Variants in MPHOSPH6 observed in about 807,000 individuals in gnomAD.
The protein encoded by MPHOSPH6 is M-phase phosphoprotein 6.
MPHOSPH6 carries 25 observed loss-of-function variants against 21.8 expected under a neutral mutation model. That is an observed-to-expected ratio of 1.15 (90% CI 0.83 to 1.60). The LOEUF (loss-of-function observed/expected upper bound fraction) is 1.60. MPHOSPH6 is among the 40% of genes most tolerant of loss of function. The probability of loss-of-function intolerance (pLI) is 0.00; values close to 1 mark genes in which losing one functional copy is unlikely to be tolerated. For synonymous variants in MPHOSPH6, 84 were observed against 56.5 expected (o/e 1.49, Z -2.18); for missense variants, 269 against 181.8 (o/e 1.48, Z -2.76).
chr16:82,169,371 G>A (rs1906895075), intron 1 of MPHOSPH6, among the ~76,000 whole-genome samples: 2 of 152,072 alleles, frequency 1.3e-5, no homozygotes, highest in African/African-American at 4.8e-5. Flanking sequence ...AGGACGCTGT[G>A]CCTTCCACCC....
chr16:82,164,246 A>G (rs767524701), intron 1 of MPHOSPH6, 52 bp from the exon 2 acceptor site: 2 of 1,159,426 alleles, frequency 1.7e-6, no homozygotes, highest in East Asian at 4.7e-5. Context: ...TTTAGAACTG[A>G]GGAAACCCCA....
intron 2 of MPHOSPH6, among the ~76,000 whole-genome samples, chr16:82,160,899 A>C (rs1312260923): frequency 6.6e-6 from 1 of 152,100 alleles, no homozygotes; most frequent in African/African-American, 2.4e-5. Flanking sequence ...CTGTCCCCTG[A>C]AGCAGGTCAT....
chr16:82,148,964 G>T, intron 4 of MPHOSPH6, 101 bp from the exon 5 acceptor site: 1 of 1,385,588 alleles, frequency 7.2e-7, no homozygotes, highest in Non-Finnish European at 9.8e-7. Context: ...AAAAGATTAC[G>T]AAAAAGAAAA....
chr16:82,150,521 T>A (rs535561221), intron 3 of MPHOSPH6, among the ~76,000 whole-genome samples: 2 of 152,324 alleles, frequency 1.3e-5, no homozygotes, highest in African/African-American at 4.8e-5. Context: ...ACTCTGGCAA[T>A]TGGCTTAGTT....
chr16:82,149,441 AC>A, intron 3 of MPHOSPH6, 38 bp from the exon 4 acceptor site: 1 of 1,583,724 alleles, frequency 6.3e-7, no homozygotes. Context: ...AGGCTAGAAA[AC>A]GCTTGTGAAA....
intron 2 of MPHOSPH6, among the ~76,000 whole-genome samples, chr16:82,159,038 T>C (rs1375112585): frequency 2.6e-5 from 4 of 152,252 alleles, no homozygotes; most frequent in Admixed American, 6.5e-5. Context: ...AAGAAACTAC[T>C]ACTGACTGAG....
rs372581312 is a variant in MPHOSPH6, at chr16:82,153,437, T to C, written c.165-1923A>G. Among the ~76,000 whole-genome samples, 49 of 152,332 alleles carry C rather than the reference T, an allele frequency of 3.2e-4. No homozygotes were observed. In the South Asian group the frequency reaches 1.0e-2, roughly 31 times the overall value. Reference sequence around the variant, plus strand: ...CCCCATGAATGCGGAGCTTTCTGCCTGGAGGCAATTTCCAGATTGTGGAGC... The same window carrying C: ...CCCCATGAATGCGGAGCTTTCTGCCCGGAGGCAATTTCCAGATTGTGGAGC... On this transcript the variant is annotated intron_variant, in intron 2 of 4. Transcript: ENST00000258169.
intron 2 of MPHOSPH6, among the ~76,000 whole-genome samples, chr16:82,160,178 T>C (rs11647691): frequency 0.12 from 17,935 of 152,232 alleles, 1,307 homozygotes; most frequent in East Asian, 0.29. Flanking sequence ...TGCATGGTTT[T>C]AAGAATTAGA....
chr16:82,150,013 CT>C (rs68120502), intron 3 of MPHOSPH6, among the ~76,000 whole-genome samples: 2,029 of 146,956 alleles, frequency 0.014, 50 homozygotes, highest in African/African-American at 0.047. Flanking sequence ...ATCCTCTGAC[CT>C]TTTTTTTTTT....
intron 2 of MPHOSPH6, among the ~76,000 whole-genome samples, chr16:82,160,850 G>A (rs1460304968): frequency 6.6e-6 from 1 of 152,132 alleles, no homozygotes; most frequent in African/African-American, 2.4e-5. Context: ...TTTTACACTG[G>A]AGGAATCTGA....
chr16:82,158,564 G>C (rs1204684371), intron 2 of MPHOSPH6, among the ~76,000 whole-genome samples: 4 of 150,202 alleles, frequency 2.7e-5, no homozygotes, highest in African/African-American at 4.9e-5. Flanking sequence ...GCACTTGTGT[G>C]ACTGAACCGA....
chr16:82,168,774 T>C (rs890189353), intron 1 of MPHOSPH6, among the ~76,000 whole-genome samples: 18 of 152,208 alleles, frequency 1.2e-4, no homozygotes, highest in Non-Finnish European at 2.6e-4. Context: ...GAATGGCCTA[T>C]CTTTCAAAAC....
At chr16:82,164,758 G>A (rs1906712317) in intron 1 of MPHOSPH6, 1 of 152,298 alleles carries the variant, frequency 6.6e-6, no homozygotes, top group Non-Finnish European at 1.5e-5. Context: ...CACAGTAAGA[G>A]CCCGATAAAT....
intron 1 of MPHOSPH6, chr16:82,164,873 T>G (rs1906715770): frequency 6.6e-6 from 1 of 152,148 alleles, no homozygotes; most frequent in Non-Finnish European, 1.5e-5. Context: ...TGCAGAAAGT[T>G]GACTCAAAAT....
At chr16:82,165,232 G>A (rs1237059463) in intron 1 of MPHOSPH6, among the ~76,000 whole-genome samples, 2 of 147,318 alleles carry the variant, frequency 1.4e-5, no homozygotes, top group African/African-American at 5.0e-5. Flanking sequence ...GGTTCAAGAG[G>A]TTCTCCTGCC....
At chr16:82,157,766 A>G (rs934618230) in intron 2 of MPHOSPH6, among the ~76,000 whole-genome samples, 1 of 152,196 alleles carries the variant, frequency 6.6e-6, no homozygotes, top group African/African-American at 2.4e-5. Flanking sequence ...GCAGTGAGGA[A>G]GCAAGATATG....
At chr16:82,168,980 G>C (rs1003792160) in intron 1 of MPHOSPH6, among the ~76,000 whole-genome samples, 3 of 152,088 alleles carry the variant, frequency 2.0e-5, no homozygotes, top group Non-Finnish European at 4.4e-5. Context: ...TGTAACTTTG[G>C]GTAAATTACT....
intron 3 of MPHOSPH6, among the ~76,000 whole-genome samples, chr16:82,150,813 T>A (rs1906240435): frequency 6.6e-6 from 1 of 152,370 alleles, no homozygotes; most frequent in Non-Finnish European, 1.5e-5. Flanking sequence ...TAAAGATTTA[T>A]ATCTCATGTG....
chr16:82,159,834 G>A (rs1161838127), intron 2 of MPHOSPH6, among the ~76,000 whole-genome samples: 6 of 152,228 alleles, frequency 3.9e-5, no homozygotes, highest in South Asian at 2.1e-4. Flanking sequence ...CTTCAGAACC[G>A]CCTCTCCCTG....
Sources: gnomAD v4.1 joint callset for allele counts (sites outside exome capture counted in the v4.1 genomes callset) on GRCh38, gnomAD v4.1.1 for gene constraint, MANE v1.5 for transcripts, NCBI Gene and HGNC (gene_info 2026-07-23, HGNC 2026-07-21) for gene names.